The following PCDHA9 variants were observed in gnomAD, a reference collection of about 807,000 sequenced individuals.
PCDHA9 encodes protocadherin alpha-9.
Under a neutral mutation model 62.0 loss-of-function variants are expected in PCDHA9, and 62 were observed. The ratio of observed to expected loss-of-function variants is 1.00; its 90% CI spans 0.81 to 1.23. The LOEUF (loss-of-function observed/expected upper bound fraction) is 1.23. Among genes scored for constraint, PCDHA9 ranks in the 50% most tolerant of loss-of-function variants. The pLI is 0.00. For missense variants in PCDHA9, 1,205 were observed against 1,249.8 expected, an observed-to-expected ratio of 0.96 and a Z score of 0.54; for synonymous variants, 557 against 567.6, an observed-to-expected ratio of 0.98 and a Z score of 0.27.
intron 2 of PCDHA9, among the ~76,000 whole-genome samples, chr5:140,979,795 A>G (rs781835728): frequency 6.6e-6 from 1 of 152,264 alleles, no homozygotes. Flanking sequence ...GAAACAAATG[A>G]TCACAACTAT....
At position 140,933,888 on chromosome 5, in the gene PCDHA9, T is replaced by C. The variant is rs148048721; in HGVS notation, c.2395-45061T>C. On this transcript the variant is annotated intron_variant, in intron 1 of 3. Transcript: ENST00000532602. ...ATATATGTTAGTTTTATCTGTACTTTTGAATATTTTGGCATAAAGTTGTTT... is the reference window on the plus strand; with the variant it reads ...ATATATGTTAGTTTTATCTGTACTTCTGAATATTTTGGCATAAAGTTGTTT... Among the ~76,000 whole-genome samples the C allele has an allele frequency of 7.7e-3, 1,170 of 152,222 alleles. 4 individuals are homozygous for C. Among genetic ancestry groups the C allele is most frequent in the Admixed American group, 0.013 (200 of 15,288 alleles).
chr5:140,965,424 G>A (rs2095899424), intron 1 of PCDHA9, among the ~76,000 whole-genome samples: 1 of 152,086 alleles, frequency 6.6e-6, no homozygotes, highest in African/African-American at 2.4e-5. Flanking sequence ...AGGAAGATAA[G>A]CTGCAGTCAT....
chr5:140,894,971 G>A (rs1231249838), intron 1 of PCDHA9, among the ~76,000 whole-genome samples: 1 of 152,010 alleles, frequency 6.6e-6, no homozygotes, highest in African/African-American at 2.4e-5. Context: ...ATTTTTTAAT[G>A]TCTTACTTTG....
intron 1 of PCDHA9, among the ~76,000 whole-genome samples, chr5:140,900,920 T>G (rs539511607): frequency 2.0e-5 from 3 of 152,204 alleles, no homozygotes; most frequent in Non-Finnish European, 4.4e-5. Context: ...TAAGATGATA[T>G]CTCATTGTAG....
chr5:140,968,057 C>G, intron 1 of PCDHA9: 1 of 1,614,110 alleles, frequency 6.2e-7, no homozygotes, highest in African/African-American at 1.3e-5. Flanking sequence ...GGACCGAGAG[C>G]GGGTGGCTGT....
At chr5:140,967,919 G>A (rs1554230110) in intron 1 of PCDHA9, 1 of 1,614,212 alleles carries the variant, frequency 6.2e-7, no homozygotes, top group South Asian at 1.1e-5. Flanking sequence ...CACCATTGTG[G>A]CCGTTCTCAG....
chr5:140,928,459 T>C (rs2085267166), intron 1 of PCDHA9: 1 of 1,614,106 alleles, frequency 6.2e-7, no homozygotes, highest in Non-Finnish European at 8.5e-7. Flanking sequence ...GGGGTTTCAT[T>C]TCCAAGTAGA....
At chr5:140,928,321 A>C (rs1296238254) in intron 1 of PCDHA9, 2 of 1,614,044 alleles carry the variant, frequency 1.2e-6, no homozygotes, top group African/African-American at 2.7e-5. Context: ...CCTGGGGAAG[A>C]ATGGCCTTGT....
intron 1 of PCDHA9, chr5:140,867,574 C>T (rs1581813828): frequency 6.6e-6 from 1 of 152,044 alleles, no homozygotes; most frequent in East Asian, 1.9e-4. Context: ...TTCATATGCC[C>T]TTGCAGTATT....
intron 1 of PCDHA9, chr5:140,967,145 A>C: frequency 1.2e-6 from 2 of 1,610,892 alleles, no homozygotes; most frequent in Non-Finnish European, 8.5e-7. Context: ...GCTGGCGCAC[A>C]ACCCCGTGGC....
intron 1 of PCDHA9, chr5:140,969,383 C>T: frequency 6.3e-6 from 10 of 1,597,986 alleles, no homozygotes; most frequent in African/African-American, 1.3e-5. Context: ...TGTTACACAT[C>T]CCCCAATATC....
chr5:140,969,198 C>T lies in PCDHA9; in HGVS notation c.2395-9751C>T, dbSNP rs2096305688. ...AGTGACACTTTCATGTTTTACAATA[C>T]AGGGGCCCAGACAGGACCAGGGCCT... On this transcript the variant is annotated intron_variant, in intron 1 of 3. Coordinates refer to ENST00000532602, the MANE Select transcript of PCDHA9 (RefSeq NM_031857.2). 1 of 1,614,166 alleles carries T rather than the reference C, an allele frequency of 6.2e-7. No individual in the cohort carries two copies. Among genetic ancestry groups the T allele is most frequent in the Non-Finnish European group, 8.5e-7 (1 of 1,180,032 alleles).
chr5:140,901,907 A>C (rs1204627106), intron 1 of PCDHA9, among the ~76,000 whole-genome samples: 1 of 150,942 alleles, frequency 6.6e-6, no homozygotes, highest in African/African-American at 2.4e-5. Context: ...CATTGTGGAG[A>C]TCTTTCACTT....
At chr5:140,884,530 G>A in intron 1 of PCDHA9, 1 of 1,614,062 alleles carries the variant, frequency 6.2e-7, no homozygotes, top group South Asian at 1.1e-5. Context: ...CGCAGCAGAG[G>A]CGGCCGAGGG....
intron 1 of PCDHA9, chr5:140,883,224 C>T (rs782659730): frequency 1.2e-6 from 2 of 1,613,946 alleles, no homozygotes; most frequent in Non-Finnish European, 1.7e-6. Flanking sequence ...TATGAAATAT[C>T]CGTGGAGGCA....
At chr5:141,006,622 T>C (rs555577523) in intron 3 of PCDHA9, among the ~76,000 whole-genome samples, 21 of 152,132 alleles carry the variant, frequency 1.4e-4, no homozygotes, top group Non-Finnish European at 7.3e-5. Flanking sequence ...AAGGAGACTA[T>C]TGCTGCAATT....
chr5:140,879,337 G>A (rs251379), intron 1 of PCDHA9, among the ~76,000 whole-genome samples: 101,683 of 152,024 alleles, frequency 0.67, 34,216 homozygotes, highest in Middle Eastern at 0.71. Flanking sequence ...AGTTTGTTCA[G>A]CTGAGAAGAT....
chr5:140,901,611 T>C (rs1261733801), intron 1 of PCDHA9, among the ~76,000 whole-genome samples: 1 of 152,204 alleles, frequency 6.6e-6, no homozygotes, highest in Non-Finnish European at 1.5e-5. Flanking sequence ...ATCTCTATGG[T>C]ATAATTTGAA....
intron 3 of PCDHA9, among the ~76,000 whole-genome samples, chr5:140,983,433 G>A (rs1306046524): frequency 1.3e-5 from 2 of 152,208 alleles, no homozygotes; most frequent in African/African-American, 4.8e-5. Context: ...CACAAATTGT[G>A]TCTACTCTAA....
Sources: allele counts gnomAD v4.1 joint callset (sites outside exome capture counted in the v4.1 genomes callset), GRCh38; gene constraint gnomAD v4.1.1; transcripts MANE v1.5; gene names NCBI Gene and HGNC (gene_info 2026-07-23, HGNC 2026-07-21).